Variants in SASH1 observed in about 807,000 individuals in gnomAD.
SASH1 encodes SAM and SH3 domain-containing protein 1.
Under a neutral mutation model 125.2 loss-of-function variants are expected in SASH1, and 44 were observed. The observed-to-expected ratio is 0.35, with a 90% CI of 0.28 to 0.45. The LOEUF is 0.45. Ranked by LOEUF, SASH1 falls within the 20% of genes least tolerant of loss-of-function variation. The pLI is 1.00. For missense variants in SASH1, 1,426 were observed against 1,614.5 expected (o/e 0.88, Z 2.00); for synonymous variants, 639 against 649.1 (o/e 0.98, Z 0.24).
chr6:148,361,093 G>A (rs931428018), intron 1 of SASH1, among the ~76,000 whole-genome samples: 1 of 152,194 alleles, frequency 6.6e-6, no homozygotes, highest in African/African-American at 2.4e-5. Flanking sequence ...GCACCTGCAG[G>A]CTAAGGAATG....
chr6:148,468,435 C>A, intron 4 of SASH1, 110 bp from the exon 5 acceptor site: 4 of 756,954 alleles, frequency 5.3e-6, no homozygotes, highest in Non-Finnish European at 6.6e-6. Context: ...ATAACAATTT[C>A]CCTGGCTGTA....
intron 13 of SASH1, 38 bp downstream of exon 13, chr6:148,531,699 A>C (rs867256959): frequency 2.1e-6 from 3 of 1,462,924 alleles, no homozygotes; most frequent in Middle Eastern, 3.7e-4. Flanking sequence ...TTTTCTTTGG[A>C]GTTAATATCT....
chr6:148,337,660 C>G lies in SASH1; in HGVS notation n.75-52474C>G, dbSNP rs866555049. Among the ~76,000 whole-genome samples, 6 of 152,200 alleles carry G rather than the reference C, an allele frequency of 3.9e-5. No individual in the cohort carries two copies. The South Asian group carries it at 6.2e-4, about 16-fold the overall frequency. On this transcript the variant is annotated intron_variant and non_coding_transcript_variant, in intron 1 of 3. Transcript: ENST00000367469. ...TACAGACGTGAGCCACTGTGCCTGG[C>G]CCTAAGAACAAGTTTTTACAAAGCA...
At chr6:148,307,076 CTT>C (rs1245696730) in intron 1 of SASH1, among the ~76,000 whole-genome samples, 1 of 146,782 alleles carries the variant, frequency 6.8e-6, no homozygotes, top group Non-Finnish European at 1.5e-5. Context: ...TTCTTTCTTT[CTT>C]TCTTTCTTTC....
the SASH1 span, among the ~76,000 whole-genome samples, chr6:148,233,740 T>TAAAAAAAAAAAAAAAAAA: frequency 8.5e-5 from 1 of 11,698 alleles, no homozygotes; most frequent in African/African-American, 1.4e-3. Flanking sequence ...GCTTCCTCTC[T>TAAAAAAAAAAAAAAAAAA]ACAAAAAAAA....
chr6:148,533,787 A>G lies in SASH1; in HGVS notation c.1751A>G (p.Asp584Gly), dbSNP rs1781670464. ...SLKLKKGDIIDIISKPPMGTW... is the reference protein window; with the variant it reads ...SLKLKKGDIIGIISKPPMGTW... ...GGGCCACAGAAAGGAGATATCATCGATATAATCAGCAAGCCACCCATGGGG... is the reference window on the plus strand; with the variant it reads ...GGGCCACAGAAAGGAGATATCATCGGTATAATCAGCAAGCCACCCATGGGG... Residue 584 changes from aspartate (D) to glycine (G), a missense_variant, in exon 15 of 20, where the codon GAT (aspartate) becomes GGT (glycine). Coordinates refer to ENST00000367467, the MANE Select transcript of SASH1 (RefSeq NM_015278.5). This position sits in a 1 kb window ranked among gnomAD's most constrained non-coding sequence, Gnocchi z 6.2. 1 of 1,613,414 alleles carries G rather than the reference A, an allele frequency of 6.2e-7. No homozygotes were observed. Among genetic ancestry groups the G allele is most frequent in the Non-Finnish European group, 8.5e-7 (1 of 1,179,872 alleles).
At chr6:148,265,818 CA>C in the SASH1 span, among the ~76,000 whole-genome samples, 1 of 152,152 alleles carries the variant, frequency 6.6e-6, no homozygotes, top group Non-Finnish European at 1.5e-5. Flanking sequence ...TAGGAATTAA[CA>C]ACCCATGATT....
rs192902953 is a variant in SASH1, at chr6:148,362,143, G to A, written c.156+18920G>A. Among the ~76,000 whole-genome samples, 889 of 151,538 alleles carry A rather than the reference G, an allele frequency of 5.9e-3. 5 individuals are homozygous for A. The highest frequency in any genetic ancestry group is 9.1e-3 in the Non-Finnish European group (618 of 67,912). ...GGGGTTTCTCCGTGTTAGCCAGGAT[G>A]GTCTCGATATCCTGACCTTGTGATC... On this transcript the variant is annotated intron_variant, in intron 1 of 19. Transcript: ENST00000367467.
chr6:148,286,455 A>G (rs558333571), intron 1 of SASH1, among the ~76,000 whole-genome samples: 204 of 152,236 alleles, frequency 1.3e-3, no homozygotes, highest in Middle Eastern at 3.4e-3. Context: ...ATAACAGAGA[A>G]TCACAAACTG....
At chr6:148,455,195 G>T (rs1038341599) in intron 4 of SASH1, among the ~76,000 whole-genome samples, 8 of 152,162 alleles carry the variant, frequency 5.3e-5, no homozygotes, top group Non-Finnish European at 1.2e-4. Context: ...CAGATCCTCA[G>T]GCCTTGCCCA....
At chr6:148,535,599 C>T (rs921791359) in intron 16 of SASH1, among the ~76,000 whole-genome samples, 4 of 152,194 alleles carry the variant, frequency 2.6e-5, no homozygotes, top group African/African-American at 9.7e-5. Flanking sequence ...TAAATGACAG[C>T]TTATTTTTAC....
rs748195660 is a variant in SASH1 at position 148,548,315 on chromosome 6, G to A, written c.3501G>A (p.Thr1167=). 20 of 1,612,764 alleles carry A rather than the reference G, an allele frequency of 1.2e-5. No individual in the cohort carries two copies. The highest frequency in any genetic ancestry group is 8.4e-5 in the Admixed American group (5 of 59,842). ...HRMAIPSGGL[T]EICRKPVSPG... is the part of the protein sequence containing the mutation. ...TCCAGATTCCAAGTGGTGGACTCAC[G>A]GAAATCTGCCGAAAGCCCGTCTCTC... Residue 1167 remains threonine, a synonymous_variant, in exon 20 of 20, where the codon ACG becomes ACA. Coordinates refer to ENST00000367467, the MANE Select transcript of SASH1 (RefSeq NM_015278.5).
intron 7 of SASH1, among the ~76,000 whole-genome samples, chr6:148,481,290 C>T (rs775954185): frequency 2.0e-5 from 3 of 152,094 alleles, no homozygotes; most frequent in Non-Finnish European, 4.4e-5. Context: ...TGTGGCTGTT[C>T]TGATCTTCTA....
intron 8 of SASH1, among the ~76,000 whole-genome samples, chr6:148,501,796 G>A (rs1779570516): frequency 1.3e-5 from 2 of 152,110 alleles, no homozygotes; most frequent in South Asian, 4.1e-4. Flanking sequence ...GCAGAATTGG[G>A]GTGGGAGGAT....
intron 1 of SASH1, among the ~76,000 whole-genome samples, chr6:148,274,414 C>T (rs1779135922): frequency 6.6e-6 from 1 of 152,200 alleles, no homozygotes; most frequent in Non-Finnish European, 1.5e-5. Context: ...GCCCGCAGTT[C>T]TTTAAAGAGG....
chr6:148,497,659 A>C (rs573387771), intron 8 of SASH1, among the ~76,000 whole-genome samples: 1 of 152,388 alleles, frequency 6.6e-6, no homozygotes, highest in South Asian at 2.1e-4. Context: ...TTAACATGGT[A>C]GTAATGGCTT....
the SASH1 span, among the ~76,000 whole-genome samples, chr6:148,230,831 CT>C: frequency 6.6e-6 from 1 of 152,018 alleles, no homozygotes; most frequent in Non-Finnish European, 1.5e-5. Flanking sequence ...AGTTATTTAT[CT>C]TATTATTAGT....
At chr6:148,294,695 C>T (rs1267398597) in intron 1 of SASH1, among the ~76,000 whole-genome samples, 4 of 152,300 alleles carry the variant, frequency 2.6e-5, no homozygotes, top group Middle Eastern at 3.4e-3. Flanking sequence ...AGTTGTGACC[C>T]TCAGCCTGTG....
At chr6:148,353,874 TCA>T (rs746663376) in intron 1 of SASH1, among the ~76,000 whole-genome samples, 28 of 152,222 alleles carry the variant, frequency 1.8e-4, no homozygotes, top group Middle Eastern at 3.4e-3. Flanking sequence ...TCTTCTATAC[TCA>T]CAAGAGAAAA....
Sources: allele counts gnomAD v4.1 joint callset (sites outside exome capture counted in the v4.1 genomes callset), GRCh38; gene constraint gnomAD v4.1.1; non-coding constraint Gnocchi (gnomAD v3.1); transcripts MANE v1.5; gene names NCBI Gene and HGNC (gene_info 2026-07-23, HGNC 2026-07-21).